Variants in ABCB1 observed in about 807,000 individuals in gnomAD.
The protein encoded by ABCB1 is ATP binding cassette subfamily B member 1, also known as ATP-dependent translocase ABCB1.
Under a neutral mutation model 142.0 loss-of-function variants are expected in ABCB1, and 69 were observed. The observed-to-expected ratio is 0.49, with a 90% CI of 0.40 to 0.59. The LOEUF is 0.59. ABCB1 is among the 20% of genes least tolerant of loss of function. The probability of loss-of-function intolerance (pLI) is 0.00; values close to 1 mark genes in which losing one functional copy is unlikely to be tolerated. For missense variants in ABCB1, 1,326 were observed against 1,554.7 expected (o/e 0.85, Z 2.47); for synonymous variants, 532 against 539.2 (o/e 0.99, Z 0.18).
At chr7:87,612,537 A>G (rs1245512100) in intron 1 of ABCB1, among the ~76,000 whole-genome samples, 1 of 151,848 alleles carries the variant, frequency 6.6e-6, no homozygotes, top group Non-Finnish European at 1.5e-5. Flanking sequence ...CCCAATCATG[A>G]TTTTGTGTGC....
chr7:87,629,932 A>AT (rs1352817203), intron 1 of ABCB1, among the ~76,000 whole-genome samples: 1 of 152,038 alleles, frequency 6.6e-6, no homozygotes, highest in Non-Finnish European at 1.5e-5. Context: ...AAAAAAAAAA[A>AT]AAAGAACTAT....
At chr7:87,593,012 C>T (rs938522505) in intron 3 of ABCB1, among the ~76,000 whole-genome samples, 1 of 151,680 alleles carries the variant, frequency 6.6e-6, no homozygotes, top group Non-Finnish European at 1.5e-5. Flanking sequence ...ACTGCATCTC[C>T]ACCTCCTGGG....
intron 5 of ABCB1, among the ~76,000 whole-genome samples, chr7:87,568,969 TA>T (rs980324008): frequency 2.0e-5 from 3 of 152,158 alleles, no homozygotes; most frequent in Non-Finnish European, 2.9e-5. Flanking sequence ...TTCCCCAATG[TA>T]AAAAACAATG....
intron 8 of ABCB1, 108 bp downstream of exon 8, chr7:87,561,154 AG>A: frequency 7.5e-7 from 1 of 1,328,592 alleles, no homozygotes; most frequent in Non-Finnish European, 1.0e-6. Context: ...AAGCTATTTA[AG>A]AAAACATATA....
At chr7:87,592,104 G>A (rs960427656) in intron 3 of ABCB1, among the ~76,000 whole-genome samples, 20 of 152,278 alleles carry the variant, frequency 1.3e-4, no homozygotes, top group African/African-American at 4.8e-4. Context: ...GCGAAATCAA[G>A]ACAGAACGCA....
At chr7:87,623,653 C>T (rs1820306551) in intron 1 of ABCB1, among the ~76,000 whole-genome samples, 1 of 152,154 alleles carries the variant, frequency 6.6e-6, no homozygotes, top group Admixed American at 6.5e-5. Flanking sequence ...AAACCCATAC[C>T]TCCCCTGAGT....
intron 21 of ABCB1, among the ~76,000 whole-genome samples, chr7:87,530,728 T>C (rs1183917236): frequency 6.6e-6 from 1 of 151,466 alleles, no homozygotes; most frequent in South Asian, 2.1e-4. Context: ...CCCCCTCACA[T>C]GTACAAATAA....
intron 8 of ABCB1, among the ~76,000 whole-genome samples, chr7:87,559,732 A>C (rs1363885330): frequency 6.6e-6 from 1 of 152,144 alleles, no homozygotes; most frequent in Non-Finnish European, 1.5e-5. Flanking sequence ...ATTGTTTCCT[A>C]CTTCACAGAG....
At chr7:87,604,657 G>A (rs1819582223), upstream of ABCB1, among the ~76,000 whole-genome samples, 1 of 152,064 alleles carries the variant, frequency 6.6e-6, no homozygotes. Flanking sequence ...AGGTCAATAG[G>A]ATCATTTTCA....
chr7:87,578,875 A>C (rs1206956413), intron 4 of ABCB1, among the ~76,000 whole-genome samples: 4 of 151,308 alleles, frequency 2.6e-5, no homozygotes, highest in African/African-American at 9.7e-5. Context: ...TTGTATTTTT[A>C]GTAGAGACAG....
At chr7:87,582,078 T>C (rs888439310) in intron 4 of ABCB1, among the ~76,000 whole-genome samples, 8 of 152,124 alleles carry the variant, frequency 5.3e-5, no homozygotes, top group African/African-American at 1.9e-4. Context: ...AGATTAGTGA[T>C]AGTGTAGTAA....
chr7:87,549,014 T>C (rs1356170026), intron 14 of ABCB1, among the ~76,000 whole-genome samples: 1 of 152,208 alleles, frequency 6.6e-6, no homozygotes, highest in African/African-American at 2.4e-5. Context: ...AACAGGGTTA[T>C]CCACATAGTC....
chr7:87,586,902 GA>G (rs1387257978), intron 3 of ABCB1, among the ~76,000 whole-genome samples: 14 of 20,024 alleles, frequency 7.0e-4, no homozygotes, highest in Non-Finnish European at 1.8e-3. Flanking sequence ...GTGTAAAAAA[GA>G]GTATCTAATA....
intron 8 of ABCB1, among the ~76,000 whole-genome samples, chr7:87,558,751 A>T (rs895461862): frequency 5.9e-5 from 9 of 152,144 alleles, no homozygotes; most frequent in Non-Finnish European, 1.2e-4. Context: ...TATATTAAGA[A>T]GGTTGTTTCT....
intron 1 of ABCB1, among the ~76,000 whole-genome samples, chr7:87,707,175 G>T (rs904322336): frequency 1.3e-5 from 2 of 152,082 alleles, no homozygotes; most frequent in African/African-American, 4.8e-5. Flanking sequence ...CATACAGAAT[G>T]TCTAGTATAC....
chr7:87,648,344 T>C (rs1823236133), intron 1 of ABCB1, among the ~76,000 whole-genome samples: 1 of 152,010 alleles, frequency 6.6e-6, no homozygotes, highest in African/African-American at 2.4e-5. Context: ...AGGAACTTAG[T>C]GGAGGCAAAT....
chr7:87,560,550 T>C (rs1209370006), intron 8 of ABCB1, among the ~76,000 whole-genome samples: 4 of 152,186 alleles, frequency 2.6e-5, no homozygotes, highest in African/African-American at 9.6e-5. Context: ...TCTTCATGGC[T>C]GTACCAAACA....
At chr7:87,697,773 G>A (rs896388234) in intron 1 of ABCB1, among the ~76,000 whole-genome samples, 1 of 152,196 alleles carries the variant, frequency 6.6e-6, no homozygotes, top group Admixed American at 6.5e-5. Flanking sequence ...AGGTACTATC[G>A]TTATTTTCAA....
At chr7:87,649,040 C>G (rs1823309072) in intron 1 of ABCB1, among the ~76,000 whole-genome samples, 1 of 152,018 alleles carries the variant, frequency 6.6e-6, no homozygotes, top group Admixed American at 6.6e-5. Context: ...TCTTTTATCT[C>G]CTTTATAGTT....
Sources: gnomAD v4.1 joint callset for allele counts (sites outside exome capture counted in the v4.1 genomes callset) on GRCh38, gnomAD v4.1.1 for gene constraint, MANE v1.5 for transcripts, NCBI Gene and HGNC (gene_info 2026-07-23, HGNC 2026-07-21) for gene names.